The following ATAD3B variants were observed in gnomAD, a reference collection of about 807,000 sequenced individuals.
ATAD3B encodes the protein ATPase family AAA domain-containing protein 3B.
In ATAD3B, 59 loss-of-function variants were observed where a neutral mutation model predicts 70.2. The observed-to-expected ratio is 0.84, with a 90% CI of 0.68 to 1.04. The LOEUF (loss-of-function observed/expected upper bound fraction) is 1.04, where lower values mean the gene tolerates loss of function less well. Among genes scored for constraint, ATAD3B ranks in the 50% least tolerant of loss-of-function variants. ATAD3B has a pLI of 0.00. For synonymous variants in ATAD3B, 423 were observed against 388.6 expected (o/e 1.09, Z -1.04); for missense variants, 961 against 913.4 (o/e 1.05, Z -0.67).
At chr1:1,494,591 C>G (rs140220636) in intron 15 of ATAD3B, among the ~76,000 whole-genome samples, 1 of 151,812 alleles carries the variant, frequency 6.6e-6, no homozygotes, top group East Asian at 1.9e-4. Flanking sequence ...GAGGGGTGGG[C>G]GCTGGCAGAG....
intron 1 of ATAD3B, 114 bp from the exon 2 acceptor site, chr1:1,477,160 C>A: frequency 7.2e-7 from 1 of 1,396,384 alleles, no homozygotes; most frequent in Non-Finnish European, 9.9e-7. Context: ...AGGCGTGAAC[C>A]ACCGCTTCCC....
rs1303649254 is a variant in ATAD3B, at chr1:1,475,571, C to T, written c.206-1703C>T. 2.0e-5 allele frequency among the ~76,000 whole-genome samples: 3 copies of T among 152,006 alleles called. 1 individual carries two copies. The highest frequency in any genetic ancestry group is 7.2e-5 in the African/African-American group (3 of 41,418). ...GGCTATAGCCCCATGCCGCCTCGTT[C>T]CCAGAGTCTGCCCTGACCCCTCCTC... On this transcript the variant is annotated intron_variant, in intron 1 of 15. Coordinates refer to ENST00000673477, the MANE Select transcript of ATAD3B (RefSeq NM_031921.6).
In ATAD3B at chr1:1,480,937, G is replaced by T; in HGVS notation, c.514+1G>T. ...CAGAAGCAGGAAGCCATGCGGCGAG[G>T]TAGGCTGTCTGCTCTCCTGGCTGGG... On this transcript the variant is annotated splice_donor_variant, in intron 5 of 15. Coordinates refer to ENST00000673477, the MANE Select transcript of ATAD3B (RefSeq NM_031921.6). LOFTEE classifies it high-confidence loss of function. 3.8e-6 allele frequency: 6 copies of T among 1,591,772 alleles called. 1 individual carries two copies. Among genetic ancestry groups the T allele is most frequent in the Non-Finnish European group, 5.1e-6 (6 of 1,171,606 alleles).
At chr1:1,503,965 T>G in the ATAD3B span, among the ~76,000 whole-genome samples, 1 of 150,652 alleles carries the variant, frequency 6.6e-6, no homozygotes, top group South Asian at 2.1e-4. Flanking sequence ...TTGCATTGCA[T>G]TGCATTGCAT....
rs1446164851 is a variant in ATAD3B, at chr1:1,486,245, C to T, written c.1089+10C>T. On this transcript the variant is annotated intron_variant, in intron 10 of 15. Transcript: ENST00000673477. Reference sequence around the variant, plus strand: ...GACGCTGTTTGCCAAGGTGAGAGCGCCTGGCTGAACAGGTGGGCCAGGGGC... The same window carrying T: ...GACGCTGTTTGCCAAGGTGAGAGCGTCTGGCTGAACAGGTGGGCCAGGGGC... 3.7e-6 allele frequency: 6 copies of T among 1,612,712 alleles called. 1 individual carries two copies. The highest frequency in any genetic ancestry group is 1.7e-5 in the Admixed American group (1 of 59,952).
chr1:1,480,166 C>G (rs1236163481), intron 4 of ATAD3B, among the ~76,000 whole-genome samples: 1 of 142,478 alleles, frequency 7.0e-6, no homozygotes, highest in Non-Finnish European at 1.5e-5. Context: ...CGGGCACGCA[C>G]CTGCACACGA....
At chr1:1,477,461 A>G in intron 2 of ATAD3B, 111 bp downstream of exon 2, 1 of 1,543,904 alleles carries the variant, frequency 6.5e-7, no homozygotes, top group South Asian at 1.1e-5. Context: ...CATGGGCAGC[A>G]GTGGGGCCAG....
rs1425428152 is a variant in ATAD3B at position 1,492,928 on chromosome 1, T to G, written c.1614+2257T>G. 2.1e-5 allele frequency among the ~76,000 whole-genome samples: 3 copies of G among 142,982 alleles called. 1 individual carries two copies. The highest frequency in any genetic ancestry group is 3.0e-5 in the Non-Finnish European group (2 of 66,996). 93.8% of individuals were successfully genotyped at this position (142,982 alleles called of 152,430 possible). ...CACTCCATCCTGGGTGTCAGAGCGA[T>G]ACTCCATCTCCAAAAAAAAAAAAAA... On this transcript the variant is annotated intron_variant, in intron 15 of 15. Coordinates refer to ENST00000673477, the MANE Select transcript of ATAD3B (RefSeq NM_031921.6).
rs144490908 is a variant in ATAD3B at position 1,490,316 on chromosome 1, G to T, written c.1397G>T (p.Arg466Leu). 4.3e-6 allele frequency: 7 copies of T among 1,613,132 alleles called. 1 individual carries two copies. The highest frequency in any genetic ancestry group is 3.3e-5 in the Admixed American group (2 of 59,968). The change falls in exon 14 of 16, where the codon CGC (arginine) becomes CTC (leucine). Residue 466 changes from arginine (R) to leucine (L), a missense_variant. Physicochemically the swap from Arg to Leu is moderately radical, Grantham distance 102. Around this residue, in one of 4 missense-constraint regions of ATAD3B, gnomAD observed 417 missense variants for 335.0 expected, o/e 1.24. Transcript: ENST00000673477. ...CAGTTCGACTGTGCCATCAACAGCC[G>T]CATTGACGTGATGGTCCACTTCGAC... ...PEQFDCAINS[R>L]IDVMVHFDLP...
At chr1:1,477,210 A>C in intron 1 of ATAD3B, 64 bp from the exon 2 acceptor site, 1 of 1,592,390 alleles carries the variant, frequency 6.3e-7, no homozygotes, top group Non-Finnish European at 8.6e-7. Context: ...GGGTTTCACC[A>C]TGTTGGCCAG....
Position 1,482,196 on chromosome 1 carries a change from C to T in ATAD3B, c.573C>T (p.Thr191=), listed in dbSNP as rs771416113. The T allele has an allele frequency of 1.2e-5, 20 of 1,610,874 alleles. No individual in the cohort carries two copies. Among genetic ancestry groups the T allele is most frequent in the Admixed American group, 6.7e-5 (4 of 59,854 alleles). Residue 191 remains threonine, a synonymous_variant, in exon 6 of 16, where the codon ACC becomes ACT. Coordinates refer to ENST00000673477, the MANE Select transcript of ATAD3B (RefSeq NM_031921.6). ...RHKNEMLRVE[T]EARARAKAER... is the part of the protein sequence containing the mutation. Reference sequence around the variant, plus strand: ...AGAATGAGATGCTGCGAGTGGAGACCGAGGCCCGGGCGCGCGCCAAGGCCG... The same window carrying T: ...AGAATGAGATGCTGCGAGTGGAGACTGAGGCCCGGGCGCGCGCCAAGGCCG...
At chr1:1,483,588 A>G (rs1054327192) in intron 7 of ATAD3B, 11 of 163,288 alleles carry the variant, frequency 6.7e-5, no homozygotes, top group African/African-American at 2.4e-4. Flanking sequence ...CCTGGCCAAC[A>G]TGGTGAAAAC....
At chr1:1,489,295 C>G in intron 13 of ATAD3B, 21 bp downstream of exon 13, 10 of 1,613,272 alleles carry the variant, frequency 6.2e-6, no homozygotes, top group Non-Finnish European at 7.6e-6. Context: ...CCCTCGGGTC[C>G]TGAGCCCCCG....
At chr1:1,478,143 C>G (rs1274197757) in intron 2 of ATAD3B, 5 of 239,732 alleles carry the variant, frequency 2.1e-5, no homozygotes, top group South Asian at 1.7e-4. Flanking sequence ...ACTACAGGAG[C>G]CTGCCACCAC....
chr1:1,476,843 G>A (rs947424519), intron 1 of ATAD3B, among the ~76,000 whole-genome samples: 4 of 151,444 alleles, frequency 2.6e-5, no homozygotes, highest in East Asian at 3.9e-4. Flanking sequence ...GTTGCGCTCT[G>A]TTGCCCCGGC....
At chr1:1,493,201 G>T (rs572268859) in intron 15 of ATAD3B, among the ~76,000 whole-genome samples, 1 of 152,048 alleles carries the variant, frequency 6.6e-6, no homozygotes, top group African/African-American at 2.4e-5. Context: ...CCTGAGAACA[G>T]GTGATTTTAC....
At chr1:1,499,554 A>G (rs1012338861), downstream of ATAD3B, among the ~76,000 whole-genome samples, 58 of 115,074 alleles carry the variant, frequency 5.0e-4, no homozygotes, top group Middle Eastern at 0.024. Flanking sequence ...TATGTCTTCT[A>G]TTCACCCTGG....
At chr1:1,478,470 G>A in intron 2 of ATAD3B, 174 bp from the exon 3 acceptor site, 1 of 1,544,626 alleles carries the variant, frequency 6.5e-7, no homozygotes, top group Non-Finnish European at 8.8e-7. Flanking sequence ...TGTGGGTCTG[G>A]ATTCCTCCAG....
downstream of ATAD3B, among the ~76,000 whole-genome samples, chr1:1,499,198 C>T (rs1215803153): frequency 1.3e-5 from 2 of 151,184 alleles, no homozygotes; most frequent in Non-Finnish European, 2.9e-5. Flanking sequence ...GTCTCGATCT[C>T]CTGACCTCGT....
Sources: gnomAD v4.1 joint callset for allele counts (sites outside exome capture counted in the v4.1 genomes callset) on GRCh38, gnomAD v4.1.1 for gene constraint, gnomAD v4.1.1 regional missense constraint, MANE v1.5 for transcripts, NCBI Gene and HGNC (gene_info 2026-07-23, HGNC 2026-07-21) for gene names.